LRRN2: variants seen among roughly 807,000 people sequenced by gnomAD.
LRRN2 encodes the protein leucine rich repeat neuronal 2, also known as leucine-rich repeat neuronal protein 2.
LRRN2 carries 10 observed loss-of-function variants against 35.7 expected under a neutral mutation model. The ratio of observed to expected loss-of-function variants is 0.28; its 90% CI spans 0.17 to 0.47. LRRN2 has a LOEUF of 0.47. LRRN2 is among the 20% of genes least tolerant of loss of function. LRRN2 has a pLI of 0.99. For missense variants in LRRN2, 731 were observed against 940.3 expected, an observed-to-expected ratio of 0.78 and a Z score of 2.91; for synonymous variants, 391 against 409.6, an observed-to-expected ratio of 0.95 and a Z score of 0.55.
chr1:204,659,077 T>A (rs1668416112), intron 1 of LRRN2, among the ~76,000 whole-genome samples: 2 of 152,216 alleles, frequency 1.3e-5, no homozygotes, highest in Non-Finnish European at 1.5e-5. Context: ...GGGAACCTCC[T>A]GGCAAGCTGA....
At chr1:204,680,185 T>C (rs1360488871) in intron 1 of LRRN2, among the ~76,000 whole-genome samples, 1 of 152,256 alleles carries the variant, frequency 6.6e-6, no homozygotes, top group Non-Finnish European at 1.5e-5. Flanking sequence ...GAGAGTTAAC[T>C]ACCTATCTAA....
At chr1:204,657,030 C>T (rs1266067076) in intron 1 of LRRN2, among the ~76,000 whole-genome samples, 2 of 152,180 alleles carry the variant, frequency 1.3e-5, no homozygotes, top group African/African-American at 2.4e-5. Context: ...ATCTGACAGG[C>T]GTGGTGGCTC....
chr1:204,672,294 C>G (rs111231505), intron 1 of LRRN2, among the ~76,000 whole-genome samples: 1 of 152,164 alleles, frequency 6.6e-6, no homozygotes. Flanking sequence ...TATGTGATCT[C>G]AAGTCCTTCC....
intron 1 of LRRN2, 91 bp from the exon 2 acceptor site, chr1:204,620,309 T>A: frequency 1.1e-6 from 1 of 888,140 alleles, no homozygotes. Flanking sequence ...AGAGTCTCAT[T>A]CTGTCACCCA....
intron 1 of LRRN2, among the ~76,000 whole-genome samples, chr1:204,645,354 A>C (rs1668080489): frequency 6.6e-6 from 1 of 152,228 alleles, no homozygotes; most frequent in African/African-American, 2.4e-5. Flanking sequence ...GGAAAGGCTC[A>C]TGCTAAAACT....
In LRRN2 at chr1:204,657,337, T is replaced by TACACACACACACACAC. The variant is rs201153877; in HGVS notation, c.-227+27982_-227+27983insGTGTGTGTGTGTGTGT. ...ATATCTATGTGTCTATATATATGTA[T>TACACACACACACACAC]ATATACACACACACACACACACACA... On this transcript the variant is annotated intron_variant, in intron 1 of 1. Transcript: ENST00000367177. Among the ~76,000 whole-genome samples the TACACACACACACACAC allele has an allele frequency of 2.6e-3, 279 of 106,612 alleles. 1 individual carries two copies. The highest frequency in any genetic ancestry group is 0.013 in the African/African-American group (271 of 20,748). The allele number at this position is 106,612 out of a possible 152,430, so 69.9% of individuals were successfully genotyped here.
chr1:204,624,234 G>A (rs1368303660), intron 1 of LRRN2, among the ~76,000 whole-genome samples: 1 of 151,924 alleles, frequency 6.6e-6, no homozygotes, highest in African/African-American at 2.4e-5. Context: ...GGGGGACAGT[G>A]TGGGGAAGGA....
intron 1 of LRRN2, among the ~76,000 whole-genome samples, chr1:204,625,208 C>T (rs373456356): frequency 4.6e-5 from 7 of 152,322 alleles, no homozygotes; most frequent in South Asian, 2.1e-4. Context: ...CTTAACCTTT[C>T]GAGCCCCAAA....
In LRRN2 at chr1:204,665,287, T is replaced by C. The variant is rs189467632; in HGVS notation, c.-227+20033A>G. Among the ~76,000 whole-genome samples, 12 of 152,136 alleles carry C rather than the reference T, an allele frequency of 7.9e-5. No individual in the cohort carries two copies. The East Asian group carries it at 2.3e-3, about 29-fold the overall frequency. On this transcript the variant is annotated intron_variant, in intron 1 of 1. Transcript: ENST00000367177. ...ACATGGCTCGCCAAAAGGCCAAAAC[T>C]TCTTTAAAGTCTCATTTTTCCTTTT...
At chr1:204,683,025 CA>C (rs1265005578) in intron 1 of LRRN2, 2 of 152,264 alleles carry the variant, frequency 1.3e-5, no homozygotes, top group African/African-American at 2.4e-5. Flanking sequence ...ACACAGTAGG[CA>C]CTCAAGAAAC....
At chr1:204,670,817 G>T (rs762973438) in intron 1 of LRRN2, among the ~76,000 whole-genome samples, 4 of 152,194 alleles carry the variant, frequency 2.6e-5, no homozygotes, top group African/African-American at 4.8e-5. Context: ...GCAGAGTGAT[G>T]GGGGAGGAAG....
At chr1:204,649,110 G>C (rs1668169837) in intron 1 of LRRN2, among the ~76,000 whole-genome samples, 1 of 152,198 alleles carries the variant, frequency 6.6e-6, no homozygotes, top group African/African-American at 2.4e-5. Context: ...AGAACTCAGG[G>C]TTTCTGATTC....
chr1:204,630,853 G>T (rs1667674129), intron 1 of LRRN2, among the ~76,000 whole-genome samples: 1 of 152,052 alleles, frequency 6.6e-6, no homozygotes, highest in South Asian at 2.1e-4. Context: ...GCCAGATGGG[G>T]GAAGCAGGGC....
At chr1:204,649,373 C>T (rs1321371745) in intron 1 of LRRN2, among the ~76,000 whole-genome samples, 2 of 152,234 alleles carry the variant, frequency 1.3e-5, no homozygotes, top group Non-Finnish European at 2.9e-5. Flanking sequence ...AGCTCACGGC[C>T]TGGTTCTCAG....
chr1:204,677,464 C>A (rs1410988635), intron 1 of LRRN2, among the ~76,000 whole-genome samples: 18 of 152,220 alleles, frequency 1.2e-4, no homozygotes, highest in Non-Finnish European at 1.5e-5. Flanking sequence ...ACTCACCCCT[C>A]ATGGGGGTGG....
At chr1:204,676,175 C>T (rs1057092353) in intron 1 of LRRN2, among the ~76,000 whole-genome samples, 1 of 145,082 alleles carries the variant, frequency 6.9e-6, no homozygotes, top group Non-Finnish European at 1.5e-5. Flanking sequence ...TGTGTGTGTA[C>T]CCACCCATGC....
intron 1 of LRRN2, among the ~76,000 whole-genome samples, chr1:204,640,459 G>A (rs1667953293): frequency 6.6e-6 from 1 of 152,270 alleles, no homozygotes; most frequent in African/African-American, 2.4e-5. Flanking sequence ...AGAAGAAACA[G>A]TTTTCTGAAA....
chr1:204,639,175 C>A (rs1667921711), intron 1 of LRRN2, among the ~76,000 whole-genome samples: 1 of 152,230 alleles, frequency 6.6e-6, no homozygotes, highest in African/African-American at 2.4e-5. Flanking sequence ...GCTGTGCATT[C>A]CAGTGCCAGG....
At chr1:204,636,768 G>C (rs976254050) in intron 1 of LRRN2, among the ~76,000 whole-genome samples, 1 of 152,056 alleles carries the variant, frequency 6.6e-6, no homozygotes, top group East Asian at 1.9e-4. Flanking sequence ...CTGTCTTTTA[G>C]AATAAATAAA....
Sources: allele counts gnomAD v4.1 joint callset (sites outside exome capture counted in the v4.1 genomes callset), GRCh38; gene constraint gnomAD v4.1.1; transcripts MANE v1.5; gene names NCBI Gene and HGNC (gene_info 2026-07-23, HGNC 2026-07-21).